FHIT: variants seen among roughly 807,000 people sequenced by gnomAD.
The protein encoded by FHIT is bis(5'-adenosyl)-triphosphatase.
FHIT carries 19 observed loss-of-function variants against 17.9 expected under a neutral mutation model. The ratio of observed to expected loss-of-function variants is 1.06; its 90% CI spans 0.74 to 1.56. FHIT has a LOEUF of 1.56. Among genes scored for constraint, FHIT ranks in the 40% most tolerant of loss-of-function variants. FHIT has a pLI of 0.00. For synonymous variants in FHIT, 81 were observed against 69.7 expected (o/e 1.16, Z -0.81); for missense variants, 248 against 189.2 (o/e 1.31, Z -1.82).
At chr3:60,375,914 T>G (rs1700540683) in intron 5 of FHIT, among the ~76,000 whole-genome samples, 1 of 152,204 alleles carries the variant, frequency 6.6e-6, no homozygotes, top group African/African-American at 2.4e-5. Context: ...ATGTGACCAC[T>G]GAGCACCTGA....
At chr3:60,259,053 TAAA>T (rs373077800) in intron 5 of FHIT, among the ~76,000 whole-genome samples, 2 of 141,396 alleles carry the variant, frequency 1.4e-5, no homozygotes, top group Admixed American at 7.1e-5. Flanking sequence ...CCTATTCAGT[TAAA>T]AAAAAAAAAA....
chr3:60,192,808 T>C (rs766353424), intron 5 of FHIT, among the ~76,000 whole-genome samples: 2 of 152,178 alleles, frequency 1.3e-5, no homozygotes, highest in African/African-American at 2.4e-5. Flanking sequence ...GCGTGACTCA[T>C]GTTTGGTTTT....
At chr3:60,593,599 G>T (rs1287717507) in intron 4 of FHIT, among the ~76,000 whole-genome samples, 1 of 152,062 alleles carries the variant, frequency 6.6e-6, no homozygotes, top group Non-Finnish European at 1.5e-5. Context: ...AATATTCTTG[G>T]AGTATGTTAT....
At chr3:60,392,190 G>C (rs1271319544) in intron 5 of FHIT, among the ~76,000 whole-genome samples, 1 of 152,150 alleles carries the variant, frequency 6.6e-6, no homozygotes, top group Non-Finnish European at 1.5e-5. Flanking sequence ...AGAAGATTAA[G>C]ACATCAGTTT....
chr3:60,838,742 G>A (rs532989362), intron 3 of FHIT, among the ~76,000 whole-genome samples: 1 of 151,690 alleles, frequency 6.6e-6, no homozygotes, highest in African/African-American at 2.4e-5. Flanking sequence ...AATGTCACCA[G>A]GCTACAAGAA....
intron 5 of FHIT, among the ~76,000 whole-genome samples, chr3:60,218,958 G>C (rs986018401): frequency 9.2e-5 from 14 of 152,032 alleles, no homozygotes; most frequent in African/African-American, 1.9e-4. Context: ...TCAATGCTTT[G>C]TATTCTTCCA....
intron 5 of FHIT, among the ~76,000 whole-genome samples, chr3:60,122,378 G>C (rs1350461477): frequency 1.3e-5 from 2 of 152,120 alleles, no homozygotes; most frequent in Non-Finnish European, 2.9e-5. Flanking sequence ...GGGAACATTT[G>C]AGTTCATGAA....
At chr3:60,281,047 A>G (rs1037625938) in intron 5 of FHIT, among the ~76,000 whole-genome samples, 2 of 5,050 alleles carry the variant, frequency 4.0e-4, no homozygotes, top group African/African-American at 9.9e-4. Flanking sequence ...TTTCTTTCCA[A>G]TATGCCAGAA....
chr3:60,782,237 G>GTGTGTGTGTATATATATATATATATA (rs1553725880), intron 4 of FHIT, among the ~76,000 whole-genome samples: 40 of 95,566 alleles, frequency 4.2e-4, no homozygotes, highest in African/African-American at 1.2e-3. Context: ...GTGTGTGTGT[G>GTGTGTGTGTATATATATATATATATA]TATATATATA....
At chr3:59,970,109 T>C (rs1708108447) in intron 7 of FHIT, among the ~76,000 whole-genome samples, 1 of 152,078 alleles carries the variant, frequency 6.6e-6, no homozygotes, top group Non-Finnish European at 1.5e-5. Flanking sequence ...ACACTACCTC[T>C]TTCCCAAGTT....
At chr3:60,737,006 T>A (rs1190476652) in intron 4 of FHIT, among the ~76,000 whole-genome samples, 1 of 152,200 alleles carries the variant, frequency 6.6e-6, no homozygotes, top group Non-Finnish European at 1.5e-5. Context: ...AATTACCAAA[T>A]AGATTTTCCC....
chr3:61,034,099 A>T (rs1301344231), intron 3 of FHIT, among the ~76,000 whole-genome samples: 2 of 152,186 alleles, frequency 1.3e-5, no homozygotes, highest in Non-Finnish European at 2.9e-5. Flanking sequence ...TCCTCACACC[A>T]TATATAAAAA....
At chr3:59,903,606 A>G (rs934951212) in intron 8 of FHIT, among the ~76,000 whole-genome samples, 34 of 152,212 alleles carry the variant, frequency 2.2e-4, no homozygotes, top group Non-Finnish European at 3.2e-4. Context: ...GAATTAAAAT[A>G]CTCAAACATA....
At chr3:60,874,183 G>A (rs1399272203) in intron 3 of FHIT, among the ~76,000 whole-genome samples, 2 of 152,114 alleles carry the variant, frequency 1.3e-5, no homozygotes, top group African/African-American at 4.8e-5. Context: ...TTGTAGGGCT[G>A]TCGTTAGAAT....
intron 8 of FHIT, among the ~76,000 whole-genome samples, chr3:59,805,078 C>G (rs1191134525): frequency 2.0e-5 from 3 of 152,076 alleles, no homozygotes; most frequent in African/African-American, 7.2e-5. Context: ...AAAGAGTCCT[C>G]CTCTGTCTAG....
intron 8 of FHIT, among the ~76,000 whole-genome samples, chr3:59,862,450 G>A (rs1702449015): frequency 6.6e-6 from 1 of 152,156 alleles, no homozygotes; most frequent in Non-Finnish European, 1.5e-5. Flanking sequence ...ACAGCAATCA[G>A]CCAGCTAAGA....
intron 7 of FHIT, among the ~76,000 whole-genome samples, chr3:59,983,799 A>G (rs1210792072): frequency 6.6e-6 from 1 of 152,076 alleles, no homozygotes; most frequent in Admixed American, 6.5e-5. Flanking sequence ...GAAAATCCCT[A>G]TATTAGCAAA....
chr3:59,881,520 C>T (rs1437952127), intron 8 of FHIT, among the ~76,000 whole-genome samples: 1 of 152,082 alleles, frequency 6.6e-6, no homozygotes, highest in African/African-American at 2.4e-5. Context: ...TAATAGAACC[C>T]TGAGGAAAAT....
chr3:59,797,561 G>A (rs905076878), intron 8 of FHIT, among the ~76,000 whole-genome samples: 3 of 152,156 alleles, frequency 2.0e-5, no homozygotes, highest in Non-Finnish European at 4.4e-5. Context: ...TTCTTTGGAT[G>A]AACCAATGCA....
Sources: allele counts gnomAD v4.1 joint callset (sites outside exome capture counted in the v4.1 genomes callset), GRCh38; gene constraint gnomAD v4.1.1; transcripts MANE v1.5; gene names NCBI Gene and HGNC (gene_info 2026-07-23, HGNC 2026-07-21).